Variants in MAP7D3 observed in about 807,000 individuals in gnomAD.
The protein encoded by MAP7D3 is MAP7 domain containing 3.
In MAP7D3, 45 loss-of-function variants were observed where a neutral mutation model predicts 62.2. The ratio of observed to expected loss-of-function variants is 0.72; its 90% CI spans 0.57 to 0.93. MAP7D3 has a LOEUF of 0.93. Ranked by LOEUF, MAP7D3 falls within the 40% of genes least tolerant of loss-of-function variation. The pLI, the probability that MAP7D3 is intolerant of heterozygous loss-of-function variation, is 0.00. For synonymous variants in MAP7D3, 288 were observed against 248.8 expected (o/e 1.16, Z -1.48); for missense variants, 711 against 683.1 (o/e 1.04, Z -0.45).
chrX:136,255,464 C>T (rs369756907), upstream of MAP7D3, among the ~76,000 whole-genome samples: 30 of 111,227 alleles, frequency 2.7e-4, no homozygotes, highest in South Asian at 8.8e-3. Flanking sequence ...CTTTTATTAA[C>T]CACCTACTCT....
chrX:136,231,767 C>A lies in MAP7D3; in HGVS notation c.1190G>T (p.Ser397Ile). ...EASLEAPPEV[S>I]LEALPEVSVE... ...GCTCACCTCTGGCAGTGCTTCCAGA[C>A]TCACTTCCGGGGGTGCTTCCAGGCT... Residue 397 changes from serine to isoleucine, a missense_variant, in exon 8 of 19, where the codon AGT becomes ATT. By Grantham distance (142) the Ser-to-Ile change is moderately radical. Transcript: ENST00000316077. 1.7e-6 allele frequency: 2 copies of A among 1,211,419 alleles called. No homozygotes were observed. Among genetic ancestry groups the A allele is most frequent in the Non-Finnish European group, 2.2e-6 (2 of 895,381 alleles).
chrX:136,222,574 C>T, intron 14 of MAP7D3, 88 bp from the exon 15 acceptor site: 1 of 725,917 alleles, frequency 1.4e-6, no homozygotes, highest in South Asian at 2.8e-5. Context: ...CAAAGCTGGA[C>T]TGATGGCTAA....
At position 136,251,361 on chromosome X, in the gene MAP7D3, G is replaced by C. The variant is rs2074508671; in HGVS notation, c.-3C>G. ...GCTGCGGCGCCGTCCGCCATCATCG[G>C]AGTCGGGACCGGAGGCGGTGGTGGC... On this transcript the variant is annotated 5_prime_UTR_variant, in exon 1 of 19. Coordinates refer to ENST00000316077, the MANE Select transcript of MAP7D3 (RefSeq NM_024597.4). 1 of 1,115,738 alleles carries C rather than the reference G, an allele frequency of 9.0e-7. No homozygotes were observed. The highest frequency in any genetic ancestry group is 3.8e-5 in the East Asian group (1 of 26,448). The allele number at this position is 1,115,738 out of a possible 1,213,427, so 91.9% of individuals were successfully genotyped here.
At chrX:136,242,185 G>C (rs2074397343) in intron 4 of MAP7D3, among the ~76,000 whole-genome samples, 1 of 112,128 alleles carries the variant, frequency 8.9e-6, no homozygotes, top group Non-Finnish European at 1.9e-5. Context: ...TGATACAATG[G>C]GCAACATTTG....
upstream of MAP7D3, among the ~76,000 whole-genome samples, chrX:136,252,200 A>G (rs1032760239): frequency 1.4e-4 from 15 of 111,091 alleles, no homozygotes; most frequent in Non-Finnish European, 1.9e-4. Context: ...GGTTGGGGCC[A>G]TTAAGTGTGG....
chrX:136,215,303 C>A (rs1321801928), downstream of MAP7D3, among the ~76,000 whole-genome samples: 2 of 111,741 alleles, frequency 1.8e-5, no homozygotes, highest in Non-Finnish European at 3.8e-5. Context: ...ACTGTGGCTC[C>A]CCATCACTTG....
chrX:136,245,998 A>G, intron 3 of MAP7D3, 67 bp downstream of exon 3: 1 of 736,135 alleles, frequency 1.4e-6, no homozygotes, highest in East Asian at 3.2e-5. Flanking sequence ...AGGAGGAATA[A>G]GTTAAAAACA....
chrX:136,221,815 T>C (rs950325379), intron 15 of MAP7D3: 5 of 112,583 alleles, frequency 4.4e-5, no homozygotes, highest in Admixed American at 1.9e-4. Context: ...GCTGAGGCCA[T>C]GTCTTTTCAC....
intron 11 of MAP7D3, 52 bp downstream of exon 11, chrX:136,228,571 A>G: frequency 8.9e-7 from 1 of 1,123,838 alleles, no homozygotes; most frequent in Non-Finnish European, 1.2e-6. Flanking sequence ...ACTTTCAAAA[A>G]TTTGGGCCCC....
In MAP7D3 at chrX:136,220,968, G is replaced by GA. The variant is rs754218591; in HGVS notation, c.2288-6dup. On this transcript the variant is annotated splice_region_variant and splice_polypyrimidine_tract_variant and intron_variant, in intron 15 of 18. Transcript: ENST00000316077. ...AGCCTGTGCCATTTAGAATGGCTAG[G>GA]AAAAAAAATTACACAATTAAATATG... The GA allele has an allele frequency of 3.1e-5, 36 of 1,148,254 alleles. No individual in the cohort carries two copies. Among genetic ancestry groups the GA allele is most frequent in the Non-Finnish European group, 4.0e-5 (34 of 842,861 alleles). 94.6% of individuals were successfully genotyped at this position (1,148,254 alleles called of 1,213,427 possible). A position where few individuals can be genotyped will look rare whatever the true frequency, so the allele number is the denominator to read the frequency against.
chrX:136,240,731 A>G (rs1486137395), intron 5 of MAP7D3, among the ~76,000 whole-genome samples: 1 of 111,557 alleles, frequency 9.0e-6, no homozygotes, highest in African/African-American at 3.3e-5. Flanking sequence ...AAGTGCTGGG[A>G]CTACAGGTGT....
At position 136,225,935 on chromosome X, in the gene MAP7D3, A is replaced by C. The variant is rs747869154; in HGVS notation, c.2113T>G (p.Leu705Val). The C allele has an allele frequency of 8.3e-7, 1 of 1,201,123 alleles. No individual in the cohort carries two copies. Among genetic ancestry groups the C allele is most frequent in the East Asian group, 3.0e-5 (1 of 33,642 alleles). Residue 705 changes from leucine to valine, a missense_variant, in exon 13 of 19, where the codon TTA (leucine) becomes GTA (valine). Leu to Val is a conservative substitution (Grantham distance 32). Transcript: ENST00000316077. ...KEHERIMLQN[L>V]QERLERKKRI... ...TTTTTCCTTTCTAACCGTTCTTGTA[A>C]ATTTTGTAACATAATTCTCTCGTGT... is the stretch of plus-strand genomic sequence containing the variant.
At chrX:136,220,410 A>G (rs1447867591) in intron 16 of MAP7D3, among the ~76,000 whole-genome samples, 1 of 113,290 alleles carries the variant, frequency 8.8e-6, no homozygotes, top group Non-Finnish European at 1.9e-5. Context: ...CAATCACTCA[A>G]TAAATGTCTT....
chrX:136,250,156 G>T (rs766114626), intron 1 of MAP7D3, among the ~76,000 whole-genome samples: 10 of 112,060 alleles, frequency 8.9e-5, no homozygotes, highest in African/African-American at 3.2e-4. Flanking sequence ...CTAATGAATG[G>T]TGAAAGTGTA....
chrX:136,220,921 G>A lies in MAP7D3; in HGVS notation c.2330C>T (p.Pro777Leu), dbSNP rs776578303. The change falls in exon 16 of 19, where the codon CCG (proline) becomes CTG (leucine). Residue 777 changes from proline (P) to leucine (L), a missense_variant. Physicochemically the swap from Pro to Leu is moderately conservative, Grantham distance 98 (BLOSUM62 -3). Coordinates refer to ENST00000316077, the MANE Select transcript of MAP7D3 (RefSeq NM_024597.4). ...GTGSPTKFKM[P>L]FNNAKKMTHK... ...TGTCATTTTCTTGGCATTGTTGAAC[G>A]GCATTTTAAATTTGGTAGGTGAGCC... 1.6e-5 allele frequency: 19 copies of A among 1,207,272 alleles called. No individual in the cohort carries two copies. In the South Asian group the frequency reaches 1.8e-4, roughly 11 times the overall value.
rs1221998641 is a variant in MAP7D3, at chrX:136,230,984, G to A, written c.1414-18C>T. 6.3e-6 allele frequency: 7 copies of A among 1,104,238 alleles called. No individual in the cohort carries two copies. The South Asian group carries it at 9.5e-5, about 15-fold the overall frequency. 91.0% of individuals were successfully genotyped at this position (1,104,238 alleles called of 1,213,427 possible). A position where few individuals can be genotyped will look rare whatever the true frequency, so the allele number is the denominator to read the frequency against. ...TCTGATTTCTGAACAGATAAACACA[G>A]TATGGTAAATTACTAACAAACAATT... On this transcript the variant is annotated intron_variant, in intron 8 of 18. Coordinates refer to ENST00000316077, the MANE Select transcript of MAP7D3 (RefSeq NM_024597.4).
rs2074444250 is a variant in MAP7D3 at position 136,246,049 on chromosome X, A to G, written c.253+16T>C. 8.8e-7 allele frequency: 1 copy of G among 1,133,991 alleles called. No homozygotes were observed. The highest frequency in any genetic ancestry group is 1.8e-5 in the African/African-American group (1 of 55,245). The allele number at this position is 1,133,991 out of a possible 1,213,427, so 93.5% of individuals were successfully genotyped here. ...CACAATTCATTTTGATTTTTGAAAA[A>G]AGGTCTAAAATATACCGTCTTGCTG... On this transcript the variant is annotated intron_variant, in intron 3 of 18. Transcript: ENST00000316077.
Position 136,222,498 on chromosome X carries a change from A to C in MAP7D3, c.2194-12T>G. 1 of 1,152,286 alleles carries C rather than the reference A, an allele frequency of 8.7e-7. No homozygotes were observed. 95.0% of individuals were successfully genotyped at this position (1,152,286 alleles called of 1,213,427 possible). A position where few individuals can be genotyped will look rare whatever the true frequency, so the allele number is the denominator to read the frequency against. Reference sequence around the variant, plus strand: ...GATGTTTCTGTGACCTACGATTAAAAAAGGAAATCTTGATTATGCCTAATA... The same window carrying C: ...GATGTTTCTGTGACCTACGATTAAACAAGGAAATCTTGATTATGCCTAATA... On this transcript the variant is annotated splice_polypyrimidine_tract_variant and intron_variant, in intron 14 of 18. Coordinates refer to ENST00000316077, the MANE Select transcript of MAP7D3 (RefSeq NM_024597.4).
At chrX:136,241,676 G>C (rs190841625) in intron 4 of MAP7D3, among the ~76,000 whole-genome samples, 41 of 110,529 alleles carry the variant, frequency 3.7e-4, no homozygotes, top group African/African-American at 1.2e-3. Context: ...ATCTGGTGTG[G>C]TATGTATTTT....
Sources: gnomAD v4.1 joint callset for allele counts (sites outside exome capture counted in the v4.1 genomes callset) on GRCh38, gnomAD v4.1.1 for gene constraint, MANE v1.5 for transcripts, NCBI Gene and HGNC (gene_info 2026-07-23, HGNC 2026-07-21) for gene names.